Variants in TAFA3 observed in about 807,000 individuals in gnomAD.
The protein encoded by TAFA3 is TAFA chemokine like family member 3.
Under a neutral mutation model 20.7 loss-of-function variants are expected in TAFA3, and 17 were observed. The observed-to-expected ratio is 0.82, with a 90% CI of 0.56 to 1.23. TAFA3 has a LOEUF of 1.23. Among genes scored for constraint, TAFA3 ranks in the 50% most tolerant of loss-of-function variants. The pLI is 0.00. For missense variants in TAFA3, 174 were observed against 172.8 expected, an observed-to-expected ratio of 1.01 and a Z score of -0.04; for synonymous variants, 74 against 71.8, an observed-to-expected ratio of 1.03 and a Z score of -0.16.
intron 4 of TAFA3, 42 bp from the exon 5 acceptor site, chr1:112,723,971 C>G (rs749199789): frequency 1.9e-6 from 3 of 1,613,732 alleles, no homozygotes; most frequent in Non-Finnish European, 2.5e-6. Flanking sequence ...CCACTGTGCT[C>G]GTAGAGACCC....
chr1:112,722,967 G>C, intron 3 of TAFA3, 49 bp from the exon 4 acceptor site: 1 of 1,464,618 alleles, frequency 6.8e-7, no homozygotes, highest in Non-Finnish European at 9.3e-7. Context: ...GGGCGGGAGG[G>C]AGCGGGGTCG....
Position 112,726,672 on chromosome 1 carries a change from C to T in TAFA3, c.*32C>T, listed in dbSNP as rs139716765. 1,579 of 1,613,958 alleles carry T rather than the reference C, an allele frequency of 9.8e-4. 4 individuals carry two copies. Among genetic ancestry groups the T allele is most frequent in the Middle Eastern group, 2.1e-3 (13 of 6,058 alleles). On this transcript the variant is annotated 3_prime_UTR_variant, in exon 6 of 6. Coordinates refer to ENST00000361886, the MANE Select transcript of TAFA3 (RefSeq NM_182759.3). ...GGGGTCACGGCCTGGACAAGAAAGG[C>T]TTGACTGAGCCGTGAACTGAAGAAT...
chr1:112,725,953 A>G (rs1472395780), intron 5 of TAFA3, among the ~76,000 whole-genome samples: 6 of 152,220 alleles, frequency 3.9e-5, no homozygotes, highest in Non-Finnish European at 5.9e-5. Context: ...CCTGGTCAAC[A>G]TGGTGAAAAC....
At chr1:112,721,481 T>C (rs1675327792) in intron 2 of TAFA3, among the ~76,000 whole-genome samples, 1 of 152,126 alleles carries the variant, frequency 6.6e-6, no homozygotes, top group Non-Finnish European at 1.5e-5. Flanking sequence ...GCCTGACTAA[T>C]TTTTTAATTT....
chr1:112,724,137 G>C lies in TAFA3; in HGVS notation c.390G>C (p.Lys130Asn). Residue 130 changes from lysine (K) to asparagine (N), a missense_variant and splice_region_variant, in exon 5 of 6, where the codon AAG (lysine) becomes AAC (asparagine). Transcript: ENST00000361886. ...GTGGACACAAAGTCAAAACCACCAA[G>C]GTACCCTGGGTGGGCACCTCATCCC... ...CSSGHKVKTT[K>N]VTR The C allele has an allele frequency of 6.3e-7, 1 of 1,592,012 alleles. No individual in the cohort carries two copies. Among genetic ancestry groups the C allele is most frequent in the Non-Finnish European group, 8.6e-7 (1 of 1,167,392 alleles).
At chr1:112,723,245 G>T in intron 4 of TAFA3, 80 bp downstream of exon 4, 1 of 1,492,354 alleles carries the variant, frequency 6.7e-7, no homozygotes, top group Non-Finnish European at 8.9e-7. Flanking sequence ...ATCTGCTGGG[G>T]ATACAATTTC....
intron 4 of TAFA3, 79 bp downstream of exon 4, chr1:112,723,244 G>A: frequency 1.3e-6 from 2 of 1,495,282 alleles, no homozygotes; most frequent in Non-Finnish European, 1.8e-6. Context: ...CATCTGCTGG[G>A]GATACAATTT....
chr1:112,721,976 C>T (rs1473864082), intron 2 of TAFA3, among the ~76,000 whole-genome samples: 1 of 152,222 alleles, frequency 6.6e-6, no homozygotes, highest in Non-Finnish European at 1.5e-5. Context: ...TCCCATGTCA[C>T]GACCCTCCAT....
chr1:112,721,529 G>C (rs1675329154), intron 2 of TAFA3, among the ~76,000 whole-genome samples: 1 of 152,128 alleles, frequency 6.6e-6, no homozygotes, highest in African/African-American at 2.4e-5. Flanking sequence ...GCCTAGGCTG[G>C]TCTCGAACTT....
At chr1:112,720,751 C>T (rs901959502) in intron 2 of TAFA3, 117 bp downstream of exon 2, 5 of 152,398 alleles carry the variant, frequency 3.3e-5, no homozygotes, top group African/African-American at 4.8e-5. Flanking sequence ...CCCAAAGCTG[C>T]ACTGGCACTT....
At position 112,723,079 on chromosome 1, in the gene TAFA3, T is replaced by G. The variant is rs1441286183; in HGVS notation, c.179T>G (p.Ile60Ser). 1 of 1,613,148 alleles carries G rather than the reference T, an allele frequency of 6.2e-7. No individual in the cohort carries two copies. Among genetic ancestry groups the G allele is most frequent in the Admixed American group, 1.7e-5 (1 of 59,970 alleles). Residue 60 changes from isoleucine to serine, a missense_variant, in exon 4 of 6, where the codon ATC becomes AGC. Physicochemically the swap from Ile to Ser is moderately radical, Grantham distance 142. Transcript: ENST00000361886. ...AAHRCCNRNR[I>S]EERSQTVKCS... ...CACCGCTGCTGCAACCGGAACCGCATCGAGGAGCGCTCCCAGACGGTGAAA... is the reference window on the plus strand; with the variant it reads ...CACCGCTGCTGCAACCGGAACCGCAGCGAGGAGCGCTCCCAGACGGTGAAA...
At chr1:112,725,154 C>G (rs1451715615) in intron 5 of TAFA3, among the ~76,000 whole-genome samples, 1 of 152,108 alleles carries the variant, frequency 6.6e-6, no homozygotes. Flanking sequence ...ACCACATGTT[C>G]TCACTTCTGA....
intron 1 of TAFA3, among the ~76,000 whole-genome samples, chr1:112,720,102 G>A (rs966021949): frequency 2.0e-5 from 3 of 152,108 alleles, no homozygotes; most frequent in Non-Finnish European, 4.4e-5. Context: ...GGGATGCTAA[G>A]CCAAGCCAGC....
rs368541175 is a variant in TAFA3, at chr1:112,726,549, C to T, written c.391-80C>T. ...GCAGCAATGTCCTCTAAGTGACCTGCATATTCTGGGTAGTCTCTGGCATGC... is the reference window on the plus strand; with the variant it reads ...GCAGCAATGTCCTCTAAGTGACCTGTATATTCTGGGTAGTCTCTGGCATGC... On this transcript the variant is annotated intron_variant, in intron 5 of 5. Coordinates refer to ENST00000361886, the MANE Select transcript of TAFA3 (RefSeq NM_182759.3). 8.8e-5 allele frequency: 130 copies of T among 1,471,096 alleles called. No individual in the cohort carries two copies. In the African/African-American group the frequency reaches 1.6e-3, roughly 18 times the overall value. 91.1% of individuals were successfully genotyped at this position (1,471,096 alleles called of 1,614,324 possible). A position where few individuals can be genotyped will look rare whatever the true frequency, so the allele number is the denominator to read the frequency against.
rs1409096246 is a variant in TAFA3, at chr1:112,726,993, G to A, written c.*353G>A. ...CTGGGCCACATGCTATGGCATGATG[G>A]GGGTTTGGGAATGAGATTCCCACAG... On this transcript the variant is annotated 3_prime_UTR_variant, in exon 6 of 6. Coordinates refer to ENST00000361886, the MANE Select transcript of TAFA3 (RefSeq NM_182759.3). The A allele has an allele frequency of 1.4e-5, 4 of 285,176 alleles. No individual in the cohort carries two copies. Among genetic ancestry groups the A allele is most frequent in the African/African-American group, 8.8e-5 (4 of 45,530 alleles). The allele number at this position is 285,176 out of a possible 1,614,324, so 17.7% of individuals were successfully genotyped here.
intron 2 of TAFA3, among the ~76,000 whole-genome samples, chr1:112,721,161 AG>A (rs1675318408): frequency 6.6e-6 from 1 of 152,244 alleles, no homozygotes. Flanking sequence ...CAGCTCAAAA[AG>A]CAAGAAATAA....
At chr1:112,719,349 A>T (rs946924476) in intron 1 of TAFA3, among the ~76,000 whole-genome samples, 50 bp downstream of exon 1, 1 of 152,172 alleles carries the variant, frequency 6.6e-6, no homozygotes, top group African/African-American at 2.4e-5. Flanking sequence ...AGTAGGCGTT[A>T]GGGGGGTTTG....
At chr1:112,722,110 G>C (rs980776529) in intron 2 of TAFA3, 123 bp from the exon 3 acceptor site, 1 of 960,670 alleles carries the variant, frequency 1.0e-6, no homozygotes, top group Non-Finnish European at 1.6e-6. Flanking sequence ...AAAGATGCCT[G>C]GGGACAAGGT....
intron 3 of TAFA3, among the ~76,000 whole-genome samples, chr1:112,722,591 T>C (rs1675355835): frequency 6.6e-6 from 1 of 152,156 alleles, no homozygotes; most frequent in Non-Finnish European, 1.5e-5. Flanking sequence ...GAAGGTGTTC[T>C]GTAGTGAGAG....
Sources: gnomAD v4.1 joint callset for allele counts (sites outside exome capture counted in the v4.1 genomes callset) on GRCh38, gnomAD v4.1.1 for gene constraint, MANE v1.5 for transcripts, NCBI Gene and HGNC (gene_info 2026-07-23, HGNC 2026-07-21) for gene names.